ABL2: variants seen among roughly 807,000 people sequenced by gnomAD.
ABL2 encodes ABL proto-oncogene 2, non-receptor tyrosine kinase.
ABL2 carries 49 observed loss-of-function variants against 107.7 expected under a neutral mutation model. The ratio of observed to expected loss-of-function variants is 0.45; its 90% CI spans 0.36 to 0.58. The LOEUF is 0.58. Ranked by LOEUF, ABL2 falls within the 20% of genes least tolerant of loss-of-function variation. The probability of loss-of-function intolerance (pLI) is 0.00; values close to 1 mark genes in which losing one functional copy is unlikely to be tolerated. For synonymous variants in ABL2, 549 were observed against 548.6 expected (o/e 1.00, Z -0.01); for missense variants, 1,245 against 1,457.0 (o/e 0.85, Z 2.37).
At chr1:179,181,555 T>C (rs140939275) in intron 1 of ABL2, among the ~76,000 whole-genome samples, 1 of 152,274 alleles carries the variant, frequency 6.6e-6, no homozygotes, top group African/African-American at 2.4e-5. Context: ...ACACTATCTA[T>C]ATCATGGTGC....
chr1:179,133,482 GTC>G, intron 1 of ABL2, 108 bp from the exon 2 acceptor site: 2 of 1,566,720 alleles, frequency 1.3e-6, no homozygotes, highest in African/African-American at 1.4e-5. Flanking sequence ...TCATGATCAG[GTC>G]TCTACCTACT....
intron 1 of ABL2, among the ~76,000 whole-genome samples, chr1:179,170,520 G>A (rs866986186): frequency 6.6e-6 from 1 of 151,858 alleles, no homozygotes; most frequent in Non-Finnish European, 1.5e-5. Context: ...GTGTTAAAGC[G>A]ATTCCCCTGC....
intron 1 of ABL2, chr1:179,221,082 G>C: frequency 4.2e-6 from 1 of 240,516 alleles, no homozygotes; most frequent in South Asian, 7.4e-5. Flanking sequence ...GGTTATCCTA[G>C]TGACCTCCCA....
chr1:179,202,939 G>A (rs916796646), intron 1 of ABL2, among the ~76,000 whole-genome samples: 3 of 152,244 alleles, frequency 2.0e-5, no homozygotes, highest in Admixed American at 6.5e-5. Context: ...CAAAATACAT[G>A]AGTGAAAAAT....
intron 1 of ABL2, among the ~76,000 whole-genome samples, chr1:179,195,392 G>A (rs1044789993): frequency 3.3e-5 from 5 of 152,092 alleles, no homozygotes; most frequent in African/African-American, 9.7e-5. Context: ...TGTTGGTGAG[G>A]GTATGGAGAA....
chr1:179,197,426 C>T (rs1661380489), intron 1 of ABL2, among the ~76,000 whole-genome samples: 1 of 151,792 alleles, frequency 6.6e-6, no homozygotes, highest in South Asian at 2.1e-4. Context: ...ACAACTAAAC[C>T]TGCTATGACT....
intron 1 of ABL2, among the ~76,000 whole-genome samples, chr1:179,206,111 C>T (rs1229230228): frequency 6.6e-6 from 1 of 152,108 alleles, no homozygotes; most frequent in Non-Finnish European, 1.5e-5. Context: ...AGCTAGGCAG[C>T]TTAGTTCAAG....
chr1:179,158,556 C>T (rs10158622), intron 1 of ABL2, among the ~76,000 whole-genome samples: 1 of 152,142 alleles, frequency 6.6e-6, no homozygotes, highest in Non-Finnish European at 1.5e-5. Context: ...TCTGCACTTA[C>T]GTAGTGAAAC....
At chr1:179,169,067 A>G (rs902918828) in intron 1 of ABL2, among the ~76,000 whole-genome samples, 2 of 152,158 alleles carry the variant, frequency 1.3e-5, no homozygotes, top group Non-Finnish European at 2.9e-5. Context: ...AGACCCCAGA[A>G]TTAGAATTTT....
In ABL2 at chr1:179,108,227, A is replaced by G. The variant is rs751933490; in HGVS notation, c.3040T>C (p.Ser1014Pro). The change falls in exon 12 of 12, where the codon TCC (serine) becomes CCC (proline). Residue 1014 changes from serine to proline, a missense_variant. This residue lies in a region of ABL2 where 761 missense variants were observed against 766.4 expected (regional missense o/e 0.99). Transcript: ENST00000502732. ...EEPTALTAGQ[S>P]TSETQEGGKK... is the part of the protein sequence containing the mutation. ...CCTCCTTCCTGTGTTTCTGATGTGG[A>G]CTGTCCTGCAGTTAGGGCAGTTGGC... 7 of 1,613,562 alleles carry G rather than the reference A, an allele frequency of 4.3e-6. No individual in the cohort carries two copies. Among genetic ancestry groups the G allele is most frequent in the Non-Finnish European group, 5.9e-6 (7 of 1,179,968 alleles).
Position 179,109,130 on chromosome 1 carries a change from C to G in ABL2, c.2137G>C (p.Val713Leu). ...FTPAQQEANL[V>L]PPKCYGGSFA... ...CTCCCCCCATAGCACTTGGGTGGCA[C>G]CAGATTCGCCTCTTGCTGGGCAGGA... The change falls in exon 12 of 12, where the codon GTG becomes CTG. Residue 713 changes from valine (V) to leucine (L), a missense_variant. Transcript: ENST00000502732. 2 of 1,612,708 alleles carry G rather than the reference C, an allele frequency of 1.2e-6. No individual in the cohort carries two copies. Among genetic ancestry groups the G allele is most frequent in the South Asian group, 2.2e-5 (2 of 90,994 alleles).
At chr1:179,201,674 T>C (rs752733595) in intron 1 of ABL2, 16 of 571,318 alleles carry the variant, frequency 2.8e-5, no homozygotes, top group African/African-American at 1.7e-4. Flanking sequence ...CTTGTGCACA[T>C]GCTGAAGAGT....
chr1:179,128,832 TG>T (rs1356706849), intron 3 of ABL2, among the ~76,000 whole-genome samples: 1 of 152,154 alleles, frequency 6.6e-6, no homozygotes, highest in Non-Finnish European at 1.5e-5. Context: ...TACAGGTGCA[TG>T]CCACTGCCCC....
chr1:179,122,276 TAAAAAA>T (rs34338293), intron 4 of ABL2, among the ~76,000 whole-genome samples: 4 of 126,800 alleles, frequency 3.2e-5, no homozygotes, highest in South Asian at 2.5e-4. Flanking sequence ...AGGCTATCTT[TAAAAAA>T]AAAAAAAAAA....
At chr1:179,148,792 C>T (rs1474344610) in intron 1 of ABL2, among the ~76,000 whole-genome samples, 1 of 151,132 alleles carries the variant, frequency 6.6e-6, no homozygotes, top group Non-Finnish European at 1.5e-5. Flanking sequence ...CCCAGCTACT[C>T]AGGAGGCTGA....
chr1:179,120,308 G>C (rs374310829), intron 5 of ABL2, 34 bp from the exon 6 acceptor site: 1 of 1,398,138 alleles, frequency 7.2e-7, no homozygotes, highest in Non-Finnish European at 1.0e-6. Flanking sequence ...AGAAGAAAAC[G>C]AGAGGGACAA....
intron 1 of ABL2, among the ~76,000 whole-genome samples, chr1:179,195,122 T>C (rs761572333): frequency 6.6e-6 from 1 of 152,016 alleles, no homozygotes; most frequent in African/African-American, 2.4e-5. Context: ...ACCCCATCTC[T>C]ACTAAAACTA....
intron 5 of ABL2, among the ~76,000 whole-genome samples, chr1:179,120,944 T>G (rs1212342856): frequency 6.6e-6 from 1 of 152,194 alleles, no homozygotes; most frequent in Non-Finnish European, 1.5e-5. Flanking sequence ...CTTGCTTAGA[T>G]CATAATCTTC....
chr1:179,168,353 C>T (rs111930406), intron 1 of ABL2, among the ~76,000 whole-genome samples: 58 of 152,180 alleles, frequency 3.8e-4, no homozygotes, highest in African/African-American at 1.3e-3. Context: ...AATGTAAATT[C>T]TACATAAATA....
Sources: allele counts gnomAD v4.1 joint callset (sites outside exome capture counted in the v4.1 genomes callset), GRCh38; gene constraint gnomAD v4.1.1; regional missense constraint gnomAD v4.1.1; transcripts MANE v1.5; gene names NCBI Gene and HGNC (gene_info 2026-07-23, HGNC 2026-07-21).